ASIC2: variants seen among roughly 807,000 people sequenced by gnomAD.
ASIC2 encodes acid sensing ion channel subunit 2.
ASIC2 carries 25 observed loss-of-function variants against 57.3 expected under a neutral mutation model. The observed-to-expected ratio is 0.44, with a 90% confidence interval of 0.32 to 0.61. The LOEUF (loss-of-function observed/expected upper bound fraction) is 0.61. ASIC2 is among the 20% of genes least tolerant of loss of function. ASIC2 has a pLI of 0.06. For missense variants in ASIC2, 641 were observed against 738.1 expected, an observed-to-expected ratio of 0.87 and a Z score of 1.52; for synonymous variants, 319 against 307.5, an observed-to-expected ratio of 1.04 and a Z score of -0.39.
intron 1 of ASIC2, among the ~76,000 whole-genome samples, chr17:33,804,579 A>G (rs1314824335): frequency 6.6e-6 from 1 of 152,196 alleles, no homozygotes; most frequent in Non-Finnish European, 1.5e-5. Context: ...GTGGAGCCCA[A>G]GCTTTTAGTG....
chr17:33,483,872 G>T (rs960341888), intron 1 of ASIC2, among the ~76,000 whole-genome samples: 48 of 152,186 alleles, frequency 3.2e-4, no homozygotes, highest in African/African-American at 1.1e-3. Flanking sequence ...TTACATTAAA[G>T]ATCTTGCCAT....
chr17:33,592,978 C>T (rs571602256), intron 1 of ASIC2, among the ~76,000 whole-genome samples: 15 of 152,286 alleles, frequency 9.8e-5, no homozygotes, highest in African/African-American at 2.6e-4. Flanking sequence ...TAGAGATTCA[C>T]GGGAGAGTTT....
At chr17:33,980,764 T>C (rs1905585756) in intron 1 of ASIC2, 1 of 152,176 alleles carries the variant, frequency 6.6e-6, no homozygotes, top group African/African-American at 2.4e-5. Flanking sequence ...CATCCAATGA[T>C]TGATCCATGG....
intron 1 of ASIC2, among the ~76,000 whole-genome samples, chr17:33,854,409 G>A (rs1913860909): frequency 6.6e-6 from 1 of 152,204 alleles, no homozygotes; most frequent in African/African-American, 2.4e-5. Context: ...ATATCCATGT[G>A]CATGTTTATG....
intron 1 of ASIC2, among the ~76,000 whole-genome samples, chr17:33,750,225 G>T (rs559633263): frequency 6.6e-6 from 1 of 152,228 alleles, no homozygotes; most frequent in South Asian, 2.1e-4. Flanking sequence ...GACCCAGAGA[G>T]CCCTTGTCCC....
intron 1 of ASIC2, chr17:33,572,116 G>T (rs1216438739): frequency 6.6e-6 from 1 of 152,216 alleles, no homozygotes. Context: ...AGATGGGTGG[G>T]ATTGCTGTGC....
At chr17:33,971,347 G>A (rs1905224315) in intron 1 of ASIC2, among the ~76,000 whole-genome samples, 1 of 152,152 alleles carries the variant, frequency 6.6e-6, no homozygotes, top group South Asian at 2.1e-4. Context: ...GCAACCTTCA[G>A]AAGGCTTGAG....
intron 1 of ASIC2, among the ~76,000 whole-genome samples, chr17:33,895,999 A>C (rs1163651532): frequency 1.4e-5 from 2 of 148,122 alleles, no homozygotes; most frequent in African/African-American, 5.0e-5. Context: ...TATGACGATT[A>C]AATGAGATTA....
At position 34,036,739 on chromosome 17, in the gene ASIC2, C is replaced by T. The variant is rs1159954729; in HGVS notation, c.555+119239G>A. The T allele has an allele frequency of 1.7e-4, 21 of 123,028 alleles. No homozygotes were observed. In the East Asian group the frequency reaches 5.0e-3, roughly 29 times the overall value. 7.6% of individuals were successfully genotyped at this position (123,028 alleles called of 1,614,324 possible). A position where few individuals can be genotyped will look rare whatever the true frequency, so the allele number is the denominator to read the frequency against. ...GATGAACCTTTATTTAAAAAAATAG[C>T]ACTTCAAATAAATTAAAAGGGACAA... On this transcript the variant is annotated intron_variant, in intron 1 of 9. Coordinates refer to the ASIC2 transcript ENST00000359872.
At chr17:33,554,358 A>ATGTGTGTG (rs71144888) in intron 1 of ASIC2, among the ~76,000 whole-genome samples, 3 of 150,148 alleles carry the variant, frequency 2.0e-5, no homozygotes, top group African/African-American at 4.9e-5. Flanking sequence ...CACTGCTTAT[A>ATGTGTGTG]TGTGTGTGTG....
intron 1 of ASIC2, among the ~76,000 whole-genome samples, chr17:33,730,694 G>A (rs1225365291): frequency 6.6e-6 from 1 of 152,168 alleles, no homozygotes; most frequent in African/African-American, 2.4e-5. Context: ...ACGCTTCAAG[G>A]AGAACTTCAA....
intron 1 of ASIC2, among the ~76,000 whole-genome samples, chr17:33,594,199 A>G (rs1904911629): frequency 2.0e-5 from 3 of 152,228 alleles, no homozygotes; most frequent in South Asian, 4.1e-4. Flanking sequence ...ATTCTGCCCT[A>G]TTCTGACGTA....
At chr17:33,066,811 T>C (rs2092045350) in intron 3 of ASIC2, among the ~76,000 whole-genome samples, 1 of 152,128 alleles carries the variant, frequency 6.6e-6, no homozygotes, top group African/African-American at 2.4e-5. Flanking sequence ...AGATGCTTCC[T>C]GGGGCCAGGT....
At position 33,292,743 on chromosome 17, in the gene ASIC2, C is replaced by T. The variant is rs901847676; in HGVS notation, c.-628G>A. On this transcript the variant is annotated 5_prime_UTR_variant, in exon 1 of 10. Coordinates refer to ENST00000225823, the MANE Select transcript of ASIC2 (RefSeq NM_183377.2). Reference sequence around the variant, plus strand: ...GGTGTGTACGGGGGTGAGTGGTCGCCTTGCCGGCTGCCGCCTTCTTTCCCT... The same window carrying T: ...GGTGTGTACGGGGGTGAGTGGTCGCTTTGCCGGCTGCCGCCTTCTTTCCCT... The T allele has an allele frequency of 3.0e-6, 3 of 985,776 alleles. No individual in the cohort carries two copies. The East Asian group carries it at 3.4e-4, about 112-fold the overall frequency. The allele number at this position is 985,776 out of a possible 1,614,324, so 61.1% of individuals were successfully genotyped here.
chr17:33,579,588 A>C (rs906133901), intron 1 of ASIC2, among the ~76,000 whole-genome samples: 1 of 151,928 alleles, frequency 6.6e-6, no homozygotes. Flanking sequence ...TACAGCTCTT[A>C]AAGATGGTGT....
chr17:33,929,137 C>T (rs1597934471), intron 1 of ASIC2, among the ~76,000 whole-genome samples: 1 of 152,058 alleles, frequency 6.6e-6, no homozygotes, highest in Non-Finnish European at 1.5e-5. Flanking sequence ...CCCCTCAGAC[C>T]CCCCATTGGA....
chr17:33,919,850 A>G (rs1268298614), intron 1 of ASIC2, among the ~76,000 whole-genome samples: 1 of 152,240 alleles, frequency 6.6e-6, no homozygotes, highest in Admixed American at 6.5e-5. Context: ...CCCCATTAAA[A>G]AGCGGGCAAA....
At chr17:34,012,670 G>A (rs937496212) in intron 1 of ASIC2, among the ~76,000 whole-genome samples, 4 of 151,818 alleles carry the variant, frequency 2.6e-5, no homozygotes. Flanking sequence ...CCTTAGATTT[G>A]CATTTTTTTC....
chr17:33,891,296 T>C (rs563855665), intron 1 of ASIC2, among the ~76,000 whole-genome samples: 1 of 152,282 alleles, frequency 6.6e-6, no homozygotes, highest in East Asian at 1.9e-4. Flanking sequence ...GAAGAACACA[T>C]AGTCCTTCCA....
Sources: gnomAD v4.1 joint callset for allele counts (sites outside exome capture counted in the v4.1 genomes callset) on GRCh38, gnomAD v4.1.1 for gene constraint, MANE v1.5 for transcripts, NCBI Gene and HGNC (gene_info 2026-07-23, HGNC 2026-07-21) for gene names.